Variants in SGCD observed in about 807,000 individuals in gnomAD.
SGCD encodes delta-sarcoglycan.
Under a neutral mutation model 36.6 loss-of-function variants are expected in SGCD, and 18 were observed. That is an observed-to-expected ratio of 0.49 (90% confidence interval 0.34 to 0.73). The LOEUF is 0.73. SGCD is among the 30% of genes least tolerant of loss of function. SGCD has a pLI of 0.01. For missense variants in SGCD, 387 were observed against 346.7 expected (o/e 1.12, Z -0.92); for synonymous variants, 133 against 130.6 (o/e 1.02, Z -0.12).
chr5:155,747,138 A>G, the SGCD span, among the ~76,000 whole-genome samples: 1 of 152,350 alleles, frequency 6.6e-6, no homozygotes, highest in East Asian at 1.9e-4. Flanking sequence ...GATAAAAACA[A>G]TACTACTTTT....
intron 3 of SGCD, among the ~76,000 whole-genome samples, chr5:156,145,969 T>G (rs1309061262): frequency 6.6e-6 from 1 of 152,172 alleles, no homozygotes; most frequent in Non-Finnish European, 1.5e-5. Context: ...ATACCAGCAC[T>G]TTGGGAGGCC....
the SGCD span, among the ~76,000 whole-genome samples, chr5:155,822,578 G>T: frequency 6.6e-6 from 1 of 152,156 alleles, no homozygotes; most frequent in Non-Finnish European, 1.5e-5. Flanking sequence ...TCTATAGGCA[G>T]TTGTCCAGAT....
chr5:156,256,029 T>A (rs1765707383), intron 3 of SGCD, among the ~76,000 whole-genome samples: 1 of 152,200 alleles, frequency 6.6e-6, no homozygotes. Context: ...CTGGTTCTGC[T>A]CACATTATAT....
intron 1 of SGCD, among the ~76,000 whole-genome samples, chr5:155,872,351 G>GCACA (rs3085993): frequency 0.041 from 5,996 of 145,040 alleles, 323 homozygotes; most frequent in African/African-American, 0.12. Flanking sequence ...CTTCTCTTCA[G>GCACA]CACACACACA....
intron 4 of SGCD, among the ~76,000 whole-genome samples, chr5:156,588,435 T>C (rs1760583788): frequency 6.6e-6 from 1 of 152,218 alleles, no homozygotes; most frequent in African/African-American, 2.4e-5. Context: ...AGGCAAGTTT[T>C]ACACCAAAAC....
At chr5:156,723,359 C>T (rs1053892585) in intron 7 of SGCD, among the ~76,000 whole-genome samples, 7 of 152,196 alleles carry the variant, frequency 4.6e-5, no homozygotes, top group African/African-American at 1.7e-4. Context: ...CAACGGTGAG[C>T]ATTCTTTCAC....
chr5:155,761,437 C>G, the SGCD span, among the ~76,000 whole-genome samples: 3 of 150,250 alleles, frequency 2.0e-5, no homozygotes, highest in Non-Finnish European at 4.4e-5. Flanking sequence ...CCCTCTCCAT[C>G]ATCCTCACCA....
chr5:156,380,433 C>G (rs947883218), intron 3 of SGCD, among the ~76,000 whole-genome samples: 2 of 152,188 alleles, frequency 1.3e-5, no homozygotes, highest in Non-Finnish European at 2.9e-5. Context: ...GCAGAATTTA[C>G]AAAAGCTGGA....
intron 7 of SGCD, among the ~76,000 whole-genome samples, chr5:156,745,913 T>C (rs1037693320): frequency 3.3e-5 from 5 of 151,710 alleles, no homozygotes; most frequent in African/African-American, 4.8e-5. Flanking sequence ...CTAATCCAAA[T>C]TGCAGAATCA....
intron 3 of SGCD, among the ~76,000 whole-genome samples, chr5:156,465,538 G>T (rs1754685103): frequency 6.6e-6 from 1 of 152,032 alleles, no homozygotes; most frequent in Non-Finnish European, 1.5e-5. Flanking sequence ...GTTTCCTTTG[G>T]TAACTCTCAC....
chr5:156,365,535 C>T (rs1475633980), intron 3 of SGCD, among the ~76,000 whole-genome samples: 2 of 152,178 alleles, frequency 1.3e-5, no homozygotes, highest in Admixed American at 6.5e-5. Context: ...AGCGTTTTCT[C>T]TTCTTTCTGC....
At chr5:156,620,960 A>C (rs991054574) in intron 6 of SGCD, among the ~76,000 whole-genome samples, 16 of 152,214 alleles carry the variant, frequency 1.1e-4, no homozygotes, top group African/African-American at 3.9e-4. Flanking sequence ...TTATAGTTAG[A>C]CATTATTTAT....
rs1561717668 is a variant in SGCD at position 156,472,130 on chromosome 5, A to G, written c.193-36471A>G. 2.0e-5 allele frequency among the ~76,000 whole-genome samples: 3 copies of G among 152,326 alleles called. No homozygotes were observed. The East Asian group carries it at 5.8e-4, about 29-fold the overall frequency. ...AACCAAGTGTTGAGGATATGAAGTA[A>G]CTGAAACTCTCATACCTTGTTGCTG... On this transcript the variant is annotated intron_variant, in intron 3 of 8. Coordinates refer to ENST00000337851, the MANE Select transcript of SGCD (RefSeq NM_000337.6).
At chr5:156,048,615 A>C (rs1759835298) in intron 1 of SGCD, among the ~76,000 whole-genome samples, 1 of 152,126 alleles carries the variant, frequency 6.6e-6, no homozygotes, top group Non-Finnish European at 1.5e-5. Flanking sequence ...TGGCTGCATA[A>C]ATGTCTTCTT....
At chr5:155,826,503 C>G in the SGCD span, among the ~76,000 whole-genome samples, 2 of 152,198 alleles carry the variant, frequency 1.3e-5, no homozygotes, top group Non-Finnish European at 1.5e-5. Flanking sequence ...ATCATCCACT[C>G]TCCCTGGCCA....
At chr5:156,416,070 A>G (rs1255161757) in intron 3 of SGCD, among the ~76,000 whole-genome samples, 1 of 152,204 alleles carries the variant, frequency 6.6e-6, no homozygotes, top group Non-Finnish European at 1.5e-5. Flanking sequence ...TCATCACTGC[A>G]CATATAAATT....
chr5:156,512,057 G>A (rs890804305), intron 4 of SGCD, among the ~76,000 whole-genome samples: 6 of 152,010 alleles, frequency 3.9e-5, no homozygotes, highest in South Asian at 2.1e-4. Context: ...AGCCAGACAC[G>A]GTGGCGGGCA....
chr5:156,710,492 G>A lies in SGCD; in HGVS notation c.576-47089G>A, dbSNP rs193140516. ...TATGACCCATAACGCAGCCCCAGGC[G>A]GTCCTGAGAACACGTGCCCAAGGTG... On this transcript the variant is annotated intron_variant, in intron 7 of 8. Transcript: ENST00000337851. Among the ~76,000 whole-genome samples the A allele has an allele frequency of 1.7e-4, 26 of 152,280 alleles. No individual in the cohort carries two copies. The East Asian group carries it at 3.9e-3, about 23-fold the overall frequency.
the SGCD span, among the ~76,000 whole-genome samples, chr5:155,736,375 A>G: frequency 1.3e-5 from 2 of 152,198 alleles, no homozygotes; most frequent in Non-Finnish European, 2.9e-5. Flanking sequence ...CCCTTCTACC[A>G]TAATCAGGCT....
Sources: gnomAD v4.1 joint callset for allele counts (sites outside exome capture counted in the v4.1 genomes callset) on GRCh38, gnomAD v4.1.1 for gene constraint, MANE v1.5 for transcripts, NCBI Gene and HGNC (gene_info 2026-07-23, HGNC 2026-07-21) for gene names.